ELP3: variants seen among roughly 807,000 people sequenced by gnomAD.
ELP3 encodes the protein elongator complex protein 3.
ELP3 carries 56 observed loss-of-function variants against 74.9 expected under a neutral mutation model. The ratio of observed to expected loss-of-function variants is 0.75; its 90% CI spans 0.60 to 0.93. The LOEUF (loss-of-function observed/expected upper bound fraction) is 0.93. Among genes scored for constraint, ELP3 ranks in the 40% least tolerant of loss-of-function variants. The probability of loss-of-function intolerance (pLI) is 0.00; values close to 1 mark genes in which losing one functional copy is unlikely to be tolerated. For missense variants in ELP3, 573 were observed against 686.5 expected (o/e 0.83, Z 1.85); for synonymous variants, 222 against 239.8 (o/e 0.93, Z 0.68).
intron 14 of ELP3, among the ~76,000 whole-genome samples, chr8:28,176,662 A>T (rs747500038): frequency 3.3e-4 from 50 of 151,996 alleles, no homozygotes; most frequent in Non-Finnish European, 5.7e-4. Flanking sequence ...CAGAAGGATG[A>T]ATCTCTGAAA....
chr8:28,116,726 G>T (rs1200764861), intron 7 of ELP3, among the ~76,000 whole-genome samples: 1 of 152,146 alleles, frequency 6.6e-6, no homozygotes, highest in African/African-American at 2.4e-5. Context: ...GCGACAGAGT[G>T]AGACTGTGTC....
intron 14 of ELP3, among the ~76,000 whole-genome samples, chr8:28,162,437 A>T (rs1814138557): frequency 6.6e-6 from 1 of 152,130 alleles, no homozygotes. Context: ...TGTTGTGGAG[A>T]TTATCACTAT....
intron 10 of ELP3, among the ~76,000 whole-genome samples, chr8:28,148,399 T>G (rs1813511888): frequency 6.6e-6 from 1 of 152,138 alleles, no homozygotes; most frequent in Non-Finnish European, 1.5e-5. Context: ...GGGCATCCTG[T>G]GATGAAACAG....
chr8:28,139,425 A>G (rs971371830), intron 10 of ELP3, among the ~76,000 whole-genome samples: 20 of 152,192 alleles, frequency 1.3e-4, no homozygotes, highest in Non-Finnish European at 2.2e-4. Flanking sequence ...AGGTACATGT[A>G]GAAATAAGTG....
intron 14 of ELP3, among the ~76,000 whole-genome samples, chr8:28,166,735 G>T (rs527939847): frequency 3.3e-5 from 5 of 152,172 alleles, no homozygotes; most frequent in South Asian, 2.1e-4. Flanking sequence ...CACACTGCCT[G>T]TACCATTTCC....
intron 14 of ELP3, among the ~76,000 whole-genome samples, chr8:28,172,700 C>A (rs948333303): frequency 1.3e-5 from 2 of 152,048 alleles, no homozygotes; most frequent in African/African-American, 4.8e-5. Flanking sequence ...AAATGGGCAA[C>A]CTTATCTGGC....
At chr8:28,092,269 C>G (rs563527210), upstream of ELP3, among the ~76,000 whole-genome samples, 22 of 152,262 alleles carry the variant, frequency 1.4e-4, no homozygotes, top group South Asian at 2.1e-3. Flanking sequence ...CTCGCTCTGT[C>G]GTCTAGGCTG....
intron 10 of ELP3, among the ~76,000 whole-genome samples, chr8:28,148,125 C>G (rs951182938): frequency 6.6e-6 from 1 of 151,970 alleles, no homozygotes; most frequent in Non-Finnish European, 1.5e-5. Context: ...TATTTGGCAA[C>G]CATTAGATTA....
chr8:28,179,131 A>G (rs1485654838), intron 14 of ELP3, among the ~76,000 whole-genome samples: 2 of 152,242 alleles, frequency 1.3e-5, no homozygotes, highest in Non-Finnish European at 2.9e-5. Context: ...CAGCTTCTGC[A>G]GGGCCAACTG....
intron 14 of ELP3, among the ~76,000 whole-genome samples, chr8:28,177,215 C>A (rs180841150): frequency 2.6e-5 from 4 of 151,992 alleles, no homozygotes; most frequent in African/African-American, 9.7e-5. Context: ...ACATGGGTAA[C>A]CTTTGTATGA....
chr8:28,137,532 C>T (rs1813034884), intron 9 of ELP3, among the ~76,000 whole-genome samples, 166 bp from the exon 10 acceptor site: 1 of 152,214 alleles, frequency 6.6e-6, no homozygotes, highest in African/African-American at 2.4e-5. Flanking sequence ...AGTGAGACTA[C>T]AGAAACAAGG....
At chr8:28,103,510 C>G (rs1306104684) in intron 3 of ELP3, among the ~76,000 whole-genome samples, 3 of 152,172 alleles carry the variant, frequency 2.0e-5, no homozygotes, top group Non-Finnish European at 2.9e-5. Flanking sequence ...AAACAAAGCT[C>G]TGTGAAGGTT....
chr8:28,189,198 T>C (rs1398010035), intron 14 of ELP3, among the ~76,000 whole-genome samples: 1 of 152,226 alleles, frequency 6.6e-6, no homozygotes, highest in East Asian at 1.9e-4. Context: ...GATCCCATTT[T>C]TTCCCCCACT....
chr8:28,118,657 C>T (rs1260191252), intron 7 of ELP3, among the ~76,000 whole-genome samples: 2 of 152,326 alleles, frequency 1.3e-5, no homozygotes, highest in Admixed American at 6.5e-5. Flanking sequence ...CACCCATTCA[C>T]TAGAATGCAA....
At chr8:28,120,163 A>AT (rs1336441810) in intron 7 of ELP3, among the ~76,000 whole-genome samples, 1 of 152,200 alleles carries the variant, frequency 6.6e-6, no homozygotes, top group Admixed American at 6.5e-5. Context: ...ACCGCCAGTC[A>AT]TTTTCCCAAA....
intron 10 of ELP3, among the ~76,000 whole-genome samples, chr8:28,139,099 G>A (rs1421925941): frequency 2.0e-5 from 3 of 152,120 alleles, no homozygotes; most frequent in Non-Finnish European, 4.4e-5. Context: ...GCAGAGGCGT[G>A]GTGCAGGCTG....
At chr8:28,185,082 T>C (rs1440898441) in intron 14 of ELP3, among the ~76,000 whole-genome samples, 1 of 152,224 alleles carries the variant, frequency 6.6e-6, no homozygotes, top group Non-Finnish European at 1.5e-5. Flanking sequence ...TTTGACATTC[T>C]CCAAGATACA....
At chr8:28,183,128 T>C in intron 14 of ELP3, 1 of 456,210 alleles carries the variant, frequency 2.2e-6, no homozygotes, top group South Asian at 1.5e-5. Context: ...GTGGAAGTCA[T>C]TTTAATAACT....
chr8:28,099,729 A>C, intron 2 of ELP3, 99 bp from the exon 3 acceptor site: 1 of 1,294,068 alleles, frequency 7.7e-7, no homozygotes, highest in Non-Finnish European at 1.1e-6. Flanking sequence ...AAGGGATTGG[A>C]GAGTGACAGT....
Sources: allele counts gnomAD v4.1 joint callset (sites outside exome capture counted in the v4.1 genomes callset), GRCh38; gene constraint gnomAD v4.1.1; transcripts MANE v1.5; gene names NCBI Gene and HGNC (gene_info 2026-07-23, HGNC 2026-07-21).